The following GPC4 variants were observed in gnomAD, a reference collection of about 807,000 sequenced individuals.
GPC4 encodes the protein glypican-4.
In GPC4, 10 loss-of-function variants were observed where a neutral mutation model predicts 35.0. The observed-to-expected ratio is 0.29, with a 90% CI of 0.18 to 0.48. The LOEUF (loss-of-function observed/expected upper bound fraction) is 0.48. Ranked by LOEUF, GPC4 falls within the 20% of genes least tolerant of loss-of-function variation. The probability of loss-of-function intolerance (pLI) is 0.99; values close to 1 mark genes in which losing one functional copy is unlikely to be tolerated. For synonymous variants in GPC4, 167 were observed against 170.2 expected, an observed-to-expected ratio of 0.98 and a Z score of 0.15; for missense variants, 322 against 451.3, an observed-to-expected ratio of 0.71 and a Z score of 2.60.
intron 1 of GPC4, among the ~76,000 whole-genome samples, chrX:133,355,781 G>C (rs1054089167): frequency 9.0e-6 from 1 of 110,970 alleles, no homozygotes; most frequent in African/African-American, 3.3e-5. Flanking sequence ...ACCATCCCCC[G>C]GGAGAAAAGT....
chrX:133,398,545 G>C (rs1448900264), intron 1 of GPC4, among the ~76,000 whole-genome samples: 1 of 111,644 alleles, frequency 9.0e-6, no homozygotes, highest in Non-Finnish European at 1.9e-5. Flanking sequence ...AAGCGGGTGA[G>C]TTCACCTGAG....
At chrX:133,310,108 C>T (rs759352184) in intron 4 of GPC4, among the ~76,000 whole-genome samples, 18 of 111,311 alleles carry the variant, frequency 1.6e-4, no homozygotes, top group Non-Finnish European at 3.2e-4. Flanking sequence ...CACTTTCAAA[C>T]GGAGTTAATA....
chrX:133,382,197 G>A (rs909451648), intron 1 of GPC4, among the ~76,000 whole-genome samples: 1 of 111,488 alleles, frequency 9.0e-6, no homozygotes, highest in Non-Finnish European at 1.9e-5. Flanking sequence ...GGGAGGCCAA[G>A]GCAGGTGGAT....
At chrX:133,310,125 T>C (rs1309909254) in intron 4 of GPC4, among the ~76,000 whole-genome samples, 2 of 111,527 alleles carry the variant, frequency 1.8e-5, no homozygotes, top group African/African-American at 6.5e-5. Context: ...AATATGGTAA[T>C]TAGCTCTCAC....
At chrX:133,380,567 A>G (rs763074412) in intron 1 of GPC4, among the ~76,000 whole-genome samples, 10 of 111,872 alleles carry the variant, frequency 8.9e-5, no homozygotes, top group African/African-American at 1.9e-4. Context: ...CAAACTGAAT[A>G]TAAGGTATTT....
At chrX:133,340,223 TC>T (rs945977914) in intron 1 of GPC4, among the ~76,000 whole-genome samples, 24 of 109,635 alleles carry the variant, frequency 2.2e-4, no homozygotes, top group Non-Finnish European at 4.0e-4. Flanking sequence ...GCCCCAGAGT[TC>T]CCCCCCTTGT....
chrX:133,346,321 T>A (rs759260109), intron 1 of GPC4, among the ~76,000 whole-genome samples: 1 of 111,810 alleles, frequency 8.9e-6, no homozygotes, highest in Non-Finnish European at 1.9e-5. Flanking sequence ...GTTCCCTGCC[T>A]CCAGACCCTA....
intron 1 of GPC4, among the ~76,000 whole-genome samples, chrX:133,359,816 A>C (rs1321245744): frequency 9.0e-6 from 1 of 111,656 alleles, no homozygotes; most frequent in Non-Finnish European, 1.9e-5. Context: ...AAGTAACTCA[A>C]GGGTGAAACT....
chrX:133,337,356 T>C (rs750693184), intron 2 of GPC4, among the ~76,000 whole-genome samples: 6 of 111,929 alleles, frequency 5.4e-5, no homozygotes, highest in South Asian at 3.8e-4. Flanking sequence ...ATTGGAATCA[T>C]AGTAGTGCTA....
chrX:133,388,956 T>C (rs1315912652), intron 1 of GPC4, among the ~76,000 whole-genome samples: 13 of 94,879 alleles, frequency 1.4e-4, no homozygotes, highest in Non-Finnish European at 1.9e-4. Context: ...CATAGCCTTT[T>C]TTTTTTTTTT....
intron 1 of GPC4, among the ~76,000 whole-genome samples, chrX:133,376,162 A>G (rs1254567548): frequency 3.6e-5 from 4 of 112,448 alleles, no homozygotes; most frequent in Non-Finnish European, 7.5e-5. Context: ...CCAGCTCGCC[A>G]CTGGCTCAAA....
chrX:133,382,556 G>A (rs188602371), intron 1 of GPC4, among the ~76,000 whole-genome samples: 83 of 106,855 alleles, frequency 7.8e-4, no homozygotes, highest in South Asian at 3.0e-3. Flanking sequence ...GTGAAACCCC[G>A]TCTCTACTAA....
At chrX:133,366,248 C>G (rs2068589468) in intron 1 of GPC4, among the ~76,000 whole-genome samples, 1 of 112,342 alleles carries the variant, frequency 8.9e-6, no homozygotes, top group African/African-American at 3.2e-5. Context: ...CACATGTTTT[C>G]AATGGTTCAG....
chrX:133,325,538 G>C (rs2068388477), intron 2 of GPC4, among the ~76,000 whole-genome samples: 1 of 111,573 alleles, frequency 9.0e-6, no homozygotes, highest in Admixed American at 9.6e-5. Context: ...AGCCAAAAGT[G>C]TATTTGTAAC....
At chrX:133,335,666 T>C (rs957994208) in intron 2 of GPC4, among the ~76,000 whole-genome samples, 8 of 112,404 alleles carry the variant, frequency 7.1e-5, no homozygotes, top group Non-Finnish European at 1.5e-4. Flanking sequence ...CCAGGGTCAA[T>C]TGAGGAAGAA....
At chrX:133,362,803 C>CTTGTTTCCT (rs2068574945) in intron 1 of GPC4, among the ~76,000 whole-genome samples, 1 of 112,085 alleles carries the variant, frequency 8.9e-6, no homozygotes, top group Non-Finnish European at 1.9e-5. Flanking sequence ...TCGTAAACTA[C>CTTGTTTCCT]TTGTTTCCTC....
intron 1 of GPC4, among the ~76,000 whole-genome samples, chrX:133,399,371 A>G (rs187610821): frequency 1.8e-5 from 2 of 111,957 alleles, no homozygotes; most frequent in African/African-American, 3.3e-5. Flanking sequence ...TGGCCACAGT[A>G]TTGTAAACAA....
intron 3 of GPC4, among the ~76,000 whole-genome samples, chrX:133,321,285 A>T (rs1156510901): frequency 9.0e-6 from 1 of 111,444 alleles, no homozygotes; most frequent in Non-Finnish European, 1.9e-5. Context: ...CTAGCCTTCA[A>T]TCCTCTAACC....
intron 3 of GPC4, among the ~76,000 whole-genome samples, chrX:133,312,913 GT>G (rs775137933): frequency 9.0e-6 from 1 of 111,625 alleles, no homozygotes; most frequent in East Asian, 2.8e-4. Flanking sequence ...CCGGTCACTT[GT>G]TTTCCTCAAT....
Sources: gnomAD v4.1 joint callset for allele counts (sites outside exome capture counted in the v4.1 genomes callset) on GRCh38, gnomAD v4.1.1 for gene constraint, MANE v1.5 for transcripts, NCBI Gene and HGNC (gene_info 2026-07-23, HGNC 2026-07-21) for gene names.